POU6F2: variants seen among roughly 807,000 people sequenced by gnomAD.
POU6F2 encodes the protein POU domain, class 6, transcription factor 2.
A neutral mutation model predicts 71.3 loss-of-function variants in POU6F2; 31 were observed. The ratio of observed to expected loss-of-function variants is 0.43; its 90% confidence interval spans 0.33 to 0.59. The LOEUF (loss-of-function observed/expected upper bound fraction) is 0.59, where lower values mean the gene tolerates loss of function less well. Among genes scored for constraint, POU6F2 ranks in the 20% least tolerant of loss-of-function variants. The probability of loss-of-function intolerance (pLI) is 0.04; values close to 1 mark genes in which losing one functional copy is unlikely to be tolerated. For missense variants in POU6F2, 783 were observed against 856.8 expected, an observed-to-expected ratio of 0.91 and a Z score of 1.07; for synonymous variants, 347 against 355.7, an observed-to-expected ratio of 0.98 and a Z score of 0.27.
intron 5 of POU6F2, among the ~76,000 whole-genome samples, chr7:39,390,625 A>T (rs1256010807): frequency 6.6e-6 from 1 of 152,164 alleles, no homozygotes; most frequent in East Asian, 1.9e-4. Context: ...GCTGTAGTTG[A>T]TGAGAAAAGC....
At chr7:39,310,310 A>C (rs1785138317) in intron 4 of POU6F2, among the ~76,000 whole-genome samples, 1 of 152,236 alleles carries the variant, frequency 6.6e-6, no homozygotes, top group Non-Finnish European at 1.5e-5. Flanking sequence ...CGTTATACAC[A>C]CTTAGGAAAT....
chr7:39,114,515 G>C (rs913830074), intron 2 of POU6F2, among the ~76,000 whole-genome samples: 1 of 152,082 alleles, frequency 6.6e-6, no homozygotes, highest in East Asian at 1.9e-4. Context: ...GTCACATGTG[G>C]GGAAAGTACT....
intron 1 of POU6F2, among the ~76,000 whole-genome samples, chr7:39,027,482 AG>A (rs1462848846): frequency 1.3e-5 from 2 of 152,346 alleles, no homozygotes; most frequent in South Asian, 4.1e-4. Flanking sequence ...GTATGTCCTC[AG>A]GGATCTCCAT....
intron 4 of POU6F2, among the ~76,000 whole-genome samples, chr7:39,291,489 G>A (rs1784755327): frequency 6.6e-6 from 1 of 152,144 alleles, no homozygotes; most frequent in African/African-American, 2.4e-5. Flanking sequence ...CAATTACACT[G>A]GATCACAAGC....
At chr7:39,136,649 G>A (rs1489442904) in intron 2 of POU6F2, among the ~76,000 whole-genome samples, 1 of 152,074 alleles carries the variant, frequency 6.6e-6, no homozygotes, top group Non-Finnish European at 1.5e-5. Context: ...CTCAATGATT[G>A]TTCCTTAAAT....
intron 1 of POU6F2, among the ~76,000 whole-genome samples, chr7:38,986,191 T>G (rs1165141298): frequency 6.6e-6 from 1 of 152,150 alleles, no homozygotes; most frequent in African/African-American, 2.4e-5. Flanking sequence ...AATACTCCTC[T>G]CAACTTGGTT....
At chr7:39,063,549 G>C (rs1028917245) in intron 1 of POU6F2, among the ~76,000 whole-genome samples, 6 of 152,134 alleles carry the variant, frequency 3.9e-5, no homozygotes, top group African/African-American at 1.4e-4. Flanking sequence ...AGAGACAATG[G>C]ATATGAAGGA....
At chr7:39,120,432 A>G (rs1010366625) in intron 2 of POU6F2, among the ~76,000 whole-genome samples, 2 of 152,240 alleles carry the variant, frequency 1.3e-5, no homozygotes, top group Non-Finnish European at 2.9e-5. Flanking sequence ...CCTTTAATTA[A>G]AAGTAACCCA....
chr7:39,362,027 G>A (rs1388547857), intron 5 of POU6F2, among the ~76,000 whole-genome samples: 2 of 152,194 alleles, frequency 1.3e-5, no homozygotes, highest in East Asian at 3.8e-4. Context: ...CCATTATCTG[G>A]TGGTGATGTC....
chr7:39,286,953 T>C (rs968482289), intron 4 of POU6F2, among the ~76,000 whole-genome samples: 1 of 134,278 alleles, frequency 7.4e-6, no homozygotes, highest in Non-Finnish European at 1.6e-5. Flanking sequence ...TTTTTTTTTT[T>C]TCCATAAGGC....
chr7:39,335,855 G>A (rs1785761904), intron 4 of POU6F2, among the ~76,000 whole-genome samples: 1 of 152,132 alleles, frequency 6.6e-6, no homozygotes, highest in South Asian at 2.1e-4. Flanking sequence ...CTGAAAATGA[G>A]TCCACAGTTC....
chr7:39,443,607 A>T (rs758799758), intron 7 of POU6F2, among the ~76,000 whole-genome samples: 2 of 152,202 alleles, frequency 1.3e-5, no homozygotes, highest in Non-Finnish European at 2.9e-5. Flanking sequence ...CACGCAATCA[A>T]GCTAACAAGT....
chr7:38,993,635 C>A (rs2128697197), intron 1 of POU6F2, among the ~76,000 whole-genome samples: 1 of 152,054 alleles, frequency 6.6e-6, no homozygotes, highest in Non-Finnish European at 1.5e-5. Flanking sequence ...CACACACACA[C>A]ACACACACAC....
rs542213000 is a variant in POU6F2, at chr7:39,107,734, G to A, written c.277+21703G>A. Among the ~76,000 whole-genome samples, 274 of 152,176 alleles carry A rather than the reference G, an allele frequency of 1.8e-3. 1 individual carries two copies. The highest frequency in any genetic ancestry group is 3.3e-3 in the Non-Finnish European group (226 of 68,016). ...AATGCAGTGTCCTTATTGCCCTTGG[G>A]CCCTTGTCCTCTCTCTTTACCTGAA... On this transcript the variant is annotated intron_variant, in intron 2 of 9. Coordinates refer to ENST00000518318, the MANE Select transcript of POU6F2 (RefSeq NM_001370959.1).
intron 7 of POU6F2, among the ~76,000 whole-genome samples, chr7:39,442,369 G>T (rs1788425372): frequency 6.6e-6 from 1 of 152,160 alleles, no homozygotes; most frequent in Non-Finnish European, 1.5e-5. Context: ...TTCAGCAAGG[G>T]AACTTCACCC....
At chr7:39,086,440 G>A (rs908215854) in intron 2 of POU6F2, among the ~76,000 whole-genome samples, 3 of 152,102 alleles carry the variant, frequency 2.0e-5, no homozygotes, top group Non-Finnish European at 4.4e-5. Context: ...ATTATCTATC[G>A]TCTAAAGATG....
At chr7:39,409,309 C>T (rs943679779) in intron 6 of POU6F2, among the ~76,000 whole-genome samples, 1 of 152,156 alleles carries the variant, frequency 6.6e-6, no homozygotes, top group Non-Finnish European at 1.5e-5. Context: ...GCATGTTTTA[C>T]TCTACTGATA....
chr7:39,290,514 G>C (rs2128761971), intron 4 of POU6F2, among the ~76,000 whole-genome samples: 1 of 152,326 alleles, frequency 6.6e-6, no homozygotes, highest in Middle Eastern at 3.4e-3. Context: ...GGCTTTGCAA[G>C]TGCCATTTTT....
At chr7:39,416,140 T>A (rs1013874419) in intron 6 of POU6F2, among the ~76,000 whole-genome samples, 5 of 114,658 alleles carry the variant, frequency 4.4e-5, no homozygotes, top group South Asian at 2.9e-4. Flanking sequence ...ACACACACAC[T>A]AGAAAACTGT....
Sources: gnomAD v4.1 joint callset for allele counts (sites outside exome capture counted in the v4.1 genomes callset) on GRCh38, gnomAD v4.1.1 for gene constraint, MANE v1.5 for transcripts, NCBI Gene and HGNC (gene_info 2026-07-23, HGNC 2026-07-21) for gene names.